Variants in MFHAS1 observed in about 807,000 individuals in gnomAD.
MFHAS1 encodes malignant fibrous histiocytoma-amplified sequence 1.
In MFHAS1, 50 loss-of-function variants were observed where a neutral mutation model predicts 70.4. The observed-to-expected ratio is 0.71, with a 90% confidence interval of 0.57 to 0.90. The LOEUF is 0.90. Among genes scored for constraint, MFHAS1 ranks in the 40% least tolerant of loss-of-function variants. The pLI, the probability that MFHAS1 is intolerant of heterozygous loss-of-function variation, is 0.00. For missense variants in MFHAS1, 1,795 were observed against 1,347.6 expected (o/e 1.33, Z -5.20); for synonymous variants, 952 against 620.0 (o/e 1.54, Z -7.96).
intron 1 of MFHAS1, among the ~76,000 whole-genome samples, chr8:8,844,278 G>T (rs1460020232): frequency 6.6e-6 from 1 of 152,168 alleles, no homozygotes; most frequent in Non-Finnish European, 1.5e-5. Context: ...GTTAATCATT[G>T]TCTCAATATT....
intron 1 of MFHAS1, among the ~76,000 whole-genome samples, chr8:8,819,603 C>CAA (rs1182895596): frequency 7.8e-5 from 4 of 51,330 alleles, no homozygotes; most frequent in South Asian, 6.3e-4. Flanking sequence ...GACTCCAACT[C>CAA]AAAACAAAAA....
chr8:8,788,688 A>C (rs1805630696), intron 2 of MFHAS1, among the ~76,000 whole-genome samples: 1 of 152,232 alleles, frequency 6.6e-6, no homozygotes, highest in Non-Finnish European at 1.5e-5. Context: ...CAAACAAAGA[A>C]ACAAAAAGTA....
At position 8,875,840 on chromosome 8, in the gene MFHAS1, G is replaced by T. The variant is rs535336749; in HGVS notation, c.2998+14221C>A. ...GTGACCTCGTGATCCGCCCGCCTCG[G>T]CCTCCCAAAGTGCTGGCATTACAGG... On this transcript the variant is annotated intron_variant, in intron 1 of 2. Coordinates refer to ENST00000276282, the MANE Select transcript of MFHAS1 (RefSeq NM_004225.3). Among the ~76,000 whole-genome samples, 11 of 152,276 alleles carry T rather than the reference G, an allele frequency of 7.2e-5. No individual in the cohort carries two copies. The South Asian group carries it at 2.3e-3, about 32-fold the overall frequency.
intron 1 of MFHAS1, among the ~76,000 whole-genome samples, chr8:8,858,644 A>T (rs928863042): frequency 2.6e-5 from 4 of 152,076 alleles, no homozygotes; most frequent in Non-Finnish European, 4.4e-5. Context: ...CTCGGTATAT[A>T]TATGGGGGGT....
chr8:8,892,051 G>A lies in MFHAS1; in HGVS notation c.1008C>T (p.Asp336=), dbSNP rs762472753. 5 of 1,613,324 alleles carry A rather than the reference G, an allele frequency of 3.1e-6. No homozygotes were observed. In the East Asian group the frequency reaches 6.7e-5, roughly 22 times the overall value. ...LDNNRIRYLP[D]SIVELTGLEE... ...CCAGGCCGGTCAGCTCCACGATGGA[G>A]TCCGGCAGGTAGCGGATGCGGTTAT... Residue 336 remains aspartate, a synonymous_variant, in exon 1 of 3, where the codon GAC becomes GAT. Coordinates refer to ENST00000276282, the MANE Select transcript of MFHAS1 (RefSeq NM_004225.3). This position sits in a 1 kb window ranked among gnomAD's most constrained non-coding sequence, Gnocchi z 4.7.
intron 2 of MFHAS1, among the ~76,000 whole-genome samples, chr8:8,792,497 T>A (rs1805752862): frequency 1.3e-5 from 2 of 151,520 alleles, no homozygotes; most frequent in South Asian, 4.2e-4. Flanking sequence ...TCCCAGCTAC[T>A]CTGGAGGCTG....
chr8:8,890,863 G>A lies in MFHAS1; in HGVS notation c.2196C>T (p.Arg732=), dbSNP rs1240441192. Residue 732 remains arginine, a synonymous_variant, in exon 1 of 3, where the codon CGC becomes CGT. Transcript: ENST00000276282. The part of the protein sequence containing the change: ...LKEHVFHNLT[R]LIDILNVFFQ... ...AGAAGACATTGAGGATGTCGATGAGGCGGGTGAGGTTGTGGAAGACGTGCT... is the reference window on the plus strand; with the variant it reads ...AGAAGACATTGAGGATGTCGATGAGACGGGTGAGGTTGTGGAAGACGTGCT... 2 of 1,614,180 alleles carry A rather than the reference G, an allele frequency of 1.2e-6. No individual in the cohort carries two copies. Among genetic ancestry groups the A allele is most frequent in the African/African-American group, 1.3e-5 (1 of 75,066 alleles).
chr8:8,875,965 C>A (rs1046463366), intron 1 of MFHAS1, among the ~76,000 whole-genome samples: 2 of 152,114 alleles, frequency 1.3e-5, no homozygotes, highest in African/African-American at 4.8e-5. Flanking sequence ...TACTGTATTC[C>A]ACCTCTTCTA....
intron 1 of MFHAS1, among the ~76,000 whole-genome samples, chr8:8,827,329 AC>A (rs1252918452): frequency 6.6e-6 from 1 of 152,178 alleles, no homozygotes; most frequent in African/African-American, 2.4e-5. Context: ...AAGAATACGA[AC>A]CTTTTAAATT....
intron 1 of MFHAS1, among the ~76,000 whole-genome samples, chr8:8,817,996 C>A (rs372070247): frequency 1.3e-5 from 2 of 152,310 alleles, no homozygotes; most frequent in African/African-American, 4.8e-5. Flanking sequence ...CTGAGGACCC[C>A]TGCTCTAGCC....
intron 1 of MFHAS1, among the ~76,000 whole-genome samples, chr8:8,853,976 G>A (rs1355072153): frequency 6.6e-6 from 1 of 152,150 alleles, no homozygotes; most frequent in Non-Finnish European, 1.5e-5. Flanking sequence ...TTCCATAAAA[G>A]ACACCAACCA....
chr8:8,861,910 G>A (rs1808677219), intron 1 of MFHAS1, among the ~76,000 whole-genome samples: 1 of 152,100 alleles, frequency 6.6e-6, no homozygotes, highest in African/African-American at 2.4e-5. Flanking sequence ...TCTTTTCCTT[G>A]CTATGTCGCA....
At chr8:8,884,300 A>T (rs925813204) in intron 1 of MFHAS1, among the ~76,000 whole-genome samples, 1 of 152,208 alleles carries the variant, frequency 6.6e-6, no homozygotes, top group Non-Finnish European at 1.5e-5. Context: ...TACATAAAAC[A>T]AAGTCCCAGG....
intron 2 of MFHAS1, among the ~76,000 whole-genome samples, chr8:8,795,556 G>A (rs1419647084): frequency 6.6e-6 from 1 of 152,214 alleles, no homozygotes; most frequent in South Asian, 2.1e-4. Context: ...TTTCCCTTGG[G>A]TGTTCGGTGA....
At chr8:8,888,499 C>CA (rs1241225613) in intron 1 of MFHAS1, among the ~76,000 whole-genome samples, 20 of 149,990 alleles carry the variant, frequency 1.3e-4, no homozygotes, top group Admixed American at 6.7e-4. Flanking sequence ...ACCTGCTCCA[C>CA]AAAAAAACAA....
intron 1 of MFHAS1, among the ~76,000 whole-genome samples, chr8:8,827,935 G>A (rs1807225805): frequency 6.6e-6 from 1 of 151,810 alleles, no homozygotes; most frequent in African/African-American, 2.4e-5. Context: ...TCTTTGTTAT[G>A]TAGTTTATTT....
chr8:8,812,772 T>C (rs1032133438), intron 1 of MFHAS1, among the ~76,000 whole-genome samples: 1 of 147,390 alleles, frequency 6.8e-6, no homozygotes, highest in Non-Finnish European at 1.5e-5. Context: ...TAATGACTTC[T>C]TTTTTGCCTT....
intron 1 of MFHAS1, among the ~76,000 whole-genome samples, chr8:8,884,285 A>AT: frequency 6.6e-6 from 1 of 152,126 alleles, no homozygotes; most frequent in Non-Finnish European, 1.5e-5. Context: ...TAAGGTTTTG[A>AT]TTTTTACATA....
intron 1 of MFHAS1, among the ~76,000 whole-genome samples, chr8:8,840,120 T>C (rs1225250236): frequency 6.6e-6 from 1 of 152,158 alleles, no homozygotes; most frequent in Non-Finnish European, 1.5e-5. Flanking sequence ...CCAACCCCAC[T>C]GCCACTACCT....
Sources: allele counts gnomAD v4.1 joint callset (sites outside exome capture counted in the v4.1 genomes callset), GRCh38; gene constraint gnomAD v4.1.1; non-coding constraint Gnocchi (gnomAD v3.1); transcripts MANE v1.5; gene names NCBI Gene and HGNC (gene_info 2026-07-23, HGNC 2026-07-21).